The following ABCC2 variants were observed in gnomAD, a reference collection of about 807,000 sequenced individuals.
The protein encoded by ABCC2 is ATP binding cassette subfamily C member 2, also known as ATP-binding cassette sub-family C member 2.
Under a neutral mutation model 173.4 loss-of-function variants are expected in ABCC2, and 157 were observed. That is an observed-to-expected ratio of 0.91 (90% CI 0.80 to 1.03). The LOEUF is 1.03. Among genes scored for constraint, ABCC2 ranks in the 50% least tolerant of loss-of-function variants. The probability of loss-of-function intolerance (pLI) is 0.00; values close to 1 mark genes in which losing one functional copy is unlikely to be tolerated. For missense variants in ABCC2, 1,822 were observed against 1,852.3 expected (o/e 0.98, Z 0.30); for synonymous variants, 657 against 693.5 (o/e 0.95, Z 0.83).
intron 10 of ABCC2, among the ~76,000 whole-genome samples, chr10:99,804,684 C>T (rs1158167201): frequency 6.6e-6 from 1 of 152,128 alleles, no homozygotes; most frequent in African/African-American, 2.4e-5. Context: ...CCGCTACCAC[C>T]AGGTGGGAGG....
chr10:99,788,096 G>A (rs1297585370), intron 2 of ABCC2, among the ~76,000 whole-genome samples: 1 of 151,668 alleles, frequency 6.6e-6, no homozygotes, highest in Non-Finnish European at 1.5e-5. Context: ...AGGACAAAAG[G>A]GTACCCAGTA....
chr10:99,843,511 C>T (rs574020031), intron 26 of ABCC2, among the ~76,000 whole-genome samples: 2 of 152,210 alleles, frequency 1.3e-5, no homozygotes, highest in African/African-American at 4.8e-5. Context: ...AGCTCTGCTC[C>T]CACTCCACCC....
chr10:99,803,541 A>T (rs1388718536), intron 9 of ABCC2, among the ~76,000 whole-genome samples: 1 of 152,066 alleles, frequency 6.6e-6, no homozygotes, highest in Non-Finnish European at 1.5e-5. Flanking sequence ...TATGTGCCAC[A>T]TAATATAGTA....
intron 29 of ABCC2, 82 bp from the exon 30 acceptor site, chr10:99,846,879 T>A: frequency 6.4e-7 from 1 of 1,567,188 alleles, no homozygotes; most frequent in Non-Finnish European, 8.8e-7. Context: ...GCCAGTCCTA[T>A]CCACCATCTC....
In ABCC2 at chr10:99,836,171, G is replaced by T. The variant is rs767701081; in HGVS notation, c.3495G>T (p.Glu1165Asp). 1.2e-6 allele frequency: 2 copies of T among 1,614,188 alleles called. No homozygotes were observed. Among genetic ancestry groups the T allele is most frequent in the South Asian group, 2.2e-5 (2 of 91,066 alleles). Residue 1165 changes from glutamate (E) to aspartate (D), a missense_variant, in exon 25 of 32, where the codon GAG (glutamate) becomes GAT (aspartate). Transcript: ENST00000647814. Reference protein sequence around the residue: ...TRSPIYSHFSETVSGLPVIRA... With the variant: ...TRSPIYSHFSDTVSGLPVIRA... Reference sequence around the variant, plus strand: ...CCCCAATCTACTCTCACTTCAGCGAGACCGTATCAGGTTTGCCAGTTATCC... The same window carrying T: ...CCCCAATCTACTCTCACTTCAGCGATACCGTATCAGGTTTGCCAGTTATCC...
chr10:99,835,551 C>T (rs1412607827), intron 24 of ABCC2, among the ~76,000 whole-genome samples: 3 of 152,122 alleles, frequency 2.0e-5, no homozygotes, highest in African/African-American at 7.2e-5. Context: ...CCCCTCAGCA[C>T]TCTGCATACC....
chr10:99,843,600 G>A (rs551637906), intron 26 of ABCC2, among the ~76,000 whole-genome samples, 199 bp from the exon 27 acceptor site: 2 of 152,318 alleles, frequency 1.3e-5, no homozygotes, highest in South Asian at 4.1e-4. Flanking sequence ...CACCTAATTA[G>A]TCTGCAGCCA....
intron 25 of ABCC2, 73 bp downstream of exon 25, chr10:99,836,363 G>A (rs560087136): frequency 6.9e-7 from 1 of 1,458,188 alleles, no homozygotes; most frequent in African/African-American, 1.4e-5. Flanking sequence ...GCGGTGGGAG[G>A]GCAGGCATGG....
chr10:99,830,196 T>C, intron 19 of ABCC2, 111 bp from the exon 20 acceptor site: 1 of 1,285,476 alleles, frequency 7.8e-7, no homozygotes, highest in Admixed American at 1.7e-5. Context: ...TATGTACATC[T>C]GGGATCCCTT....
At chr10:99,806,640 TGAA>T (rs1255487844) in intron 11 of ABCC2, among the ~76,000 whole-genome samples, 1 of 152,246 alleles carries the variant, frequency 6.6e-6, no homozygotes, top group African/African-American at 2.4e-5. Context: ...TGGAATTTTA[TGAA>T]GAAGAATTAT....
Position 99,818,884 on chromosome 10 carries a change from C to T in ABCC2, c.2366C>T (p.Ser789Phe), listed in dbSNP as rs56220353. 2.7e-4 allele frequency: 428 copies of T among 1,614,160 alleles called. 1 individual carries two copies. The East Asian group carries it at 9.2e-3, about 35-fold the overall frequency. ...ATCTATCTTCTAGATGACCCCCTGT[C>T]TGCAGTGGATGCTCATGTAGGAAAA... ...LDIYLLDDPL[S>F]AVDAHVGKHI... is the part of the protein sequence containing the mutation. The change falls in exon 18 of 32, where the codon TCT becomes TTT. Residue 789 changes from serine to phenylalanine, a missense_variant. Coordinates refer to ENST00000647814, the MANE Select transcript of ABCC2 (RefSeq NM_000392.5).
At chr10:99,787,917 AC>A (rs2037746440) in intron 2 of ABCC2, among the ~76,000 whole-genome samples, 2 of 152,056 alleles carry the variant, frequency 1.3e-5, no homozygotes, top group Admixed American at 6.5e-5. Context: ...AAAAAAATTC[AC>A]CAGGCATGGT....
chr10:99,834,353 G>C, intron 23 of ABCC2, 27 bp from the exon 24 acceptor site: 1 of 1,612,830 alleles, frequency 6.2e-7, no homozygotes, highest in Non-Finnish European at 8.5e-7. Context: ...CTCAGTGATG[G>C]TGTATCTCTC....
intron 19 of ABCC2, among the ~76,000 whole-genome samples, chr10:99,827,167 C>T (rs189321273): frequency 4.6e-5 from 7 of 152,320 alleles, no homozygotes; most frequent in Admixed American, 2.0e-4. Context: ...TACTGAAGTT[C>T]GGCTGGCGGC....
chr10:99,789,905 T>A (rs1203655500), intron 2 of ABCC2, among the ~76,000 whole-genome samples: 4 of 152,188 alleles, frequency 2.6e-5, no homozygotes, highest in Admixed American at 2.6e-4. Context: ...CCCCTCCACA[T>A]TACTGGGAGA....
At chr10:99,813,581 G>A (rs1289268562) in intron 16 of ABCC2, among the ~76,000 whole-genome samples, 1 of 152,126 alleles carries the variant, frequency 6.6e-6, no homozygotes, top group East Asian at 1.9e-4. Context: ...CGGGTGTGGT[G>A]GCATGTGCCT....
At chr10:99,814,147 A>ATATGTG (rs1491175258) in intron 16 of ABCC2, among the ~76,000 whole-genome samples, 1,808 of 27,660 alleles carry the variant, frequency 0.065, 483 homozygotes, top group Middle Eastern at 0.1. Flanking sequence ...ATATACACAC[A>ATATGTG]TGTATGTATA....
chr10:99,820,079 G>T (rs1014373105), intron 19 of ABCC2, among the ~76,000 whole-genome samples: 1 of 152,202 alleles, frequency 6.6e-6, no homozygotes, highest in Admixed American at 6.5e-5. Flanking sequence ...ATGAGGTGAG[G>T]ACAAGTAATG....
chr10:99,795,771 G>GAACGAAA (rs2037896901), intron 6 of ABCC2, among the ~76,000 whole-genome samples: 1 of 146,224 alleles, frequency 6.8e-6, no homozygotes, highest in African/African-American at 2.7e-5. Flanking sequence ...AAGAAAGAAA[G>GAACGAAA]AAAGAAAGAA....
Sources: allele counts gnomAD v4.1 joint callset (sites outside exome capture counted in the v4.1 genomes callset), GRCh38; gene constraint gnomAD v4.1.1; transcripts MANE v1.5; gene names NCBI Gene and HGNC (gene_info 2026-07-23, HGNC 2026-07-21).